KCNAB1: variants seen among roughly 807,000 people sequenced by gnomAD.
KCNAB1 encodes voltage-gated potassium channel subunit beta-1.
Under a neutral mutation model 64.6 loss-of-function variants are expected in KCNAB1, and 35 were observed. The observed-to-expected ratio is 0.54, with a 90% CI of 0.41 to 0.72. The LOEUF (loss-of-function observed/expected upper bound fraction) is 0.72. Ranked by LOEUF, KCNAB1 falls within the 30% of genes least tolerant of loss-of-function variation. The probability of loss-of-function intolerance (pLI) is 0.00; values close to 1 mark genes in which losing one functional copy is unlikely to be tolerated. For missense variants in KCNAB1, 401 were observed against 512.9 expected (o/e 0.78, Z 2.11); for synonymous variants, 177 against 183.8 (o/e 0.96, Z 0.30).
chr3:156,415,463 C>T (rs1576836644), intron 1 of KCNAB1, among the ~76,000 whole-genome samples: 1 of 152,058 alleles, frequency 6.6e-6, no homozygotes, highest in Non-Finnish European at 1.5e-5. Flanking sequence ...TCTCCTTGGC[C>T]CACTCAGCCC....
At chr3:156,344,726 T>G (rs1724366177) in intron 1 of KCNAB1, among the ~76,000 whole-genome samples, 1 of 152,202 alleles carries the variant, frequency 6.6e-6, no homozygotes, top group Admixed American at 6.5e-5. Flanking sequence ...GAAGAGATTT[T>G]TTTAAATGAG....
intron 1 of KCNAB1, among the ~76,000 whole-genome samples, chr3:156,177,527 C>T (rs918817760): frequency 6.6e-6 from 1 of 152,102 alleles, no homozygotes; most frequent in Non-Finnish European, 1.5e-5. Flanking sequence ...CAAGCGCCCG[C>T]CACCCCGCCT....
At chr3:156,124,949 C>T (rs910289370) in intron 1 of KCNAB1, among the ~76,000 whole-genome samples, 13 of 151,948 alleles carry the variant, frequency 8.6e-5, no homozygotes, top group Non-Finnish European at 1.5e-4. Flanking sequence ...ACCAGCCTGG[C>T]CAACATGGTG....
chr3:156,440,728 A>T (rs1439381297), intron 2 of KCNAB1, among the ~76,000 whole-genome samples: 1 of 152,212 alleles, frequency 6.6e-6, no homozygotes, highest in African/African-American at 2.4e-5. Context: ...ACAGCTATAA[A>T]TTTTCTTTAG....
intron 1 of KCNAB1, among the ~76,000 whole-genome samples, chr3:156,359,761 T>A (rs1159401754): frequency 6.6e-6 from 1 of 152,224 alleles, no homozygotes; most frequent in Non-Finnish European, 1.5e-5. Context: ...AGATTATACT[T>A]TGGGGCAAGA....
intron 1 of KCNAB1, among the ~76,000 whole-genome samples, chr3:156,287,684 G>T (rs1016307268): frequency 6.6e-6 from 1 of 151,786 alleles, no homozygotes; most frequent in Non-Finnish European, 1.5e-5. Flanking sequence ...AGGCGTGATG[G>T]TATACACCTG....
chr3:156,306,649 G>A (rs1054462300), intron 1 of KCNAB1, among the ~76,000 whole-genome samples: 1 of 152,200 alleles, frequency 6.6e-6, no homozygotes, highest in Non-Finnish European at 1.5e-5. Flanking sequence ...GATTCTGCTG[G>A]TTTGGTGGGA....
intron 1 of KCNAB1, among the ~76,000 whole-genome samples, chr3:156,255,096 T>A (rs1234875451): frequency 6.6e-6 from 1 of 152,148 alleles, no homozygotes; most frequent in Non-Finnish European, 1.5e-5. Context: ...AGCCCATTAG[T>A]TGGAGGGCCT....
At chr3:156,425,318 C>T (rs1236514966) in intron 2 of KCNAB1, among the ~76,000 whole-genome samples, 1 of 152,174 alleles carries the variant, frequency 6.6e-6, no homozygotes, top group African/African-American at 2.4e-5. Context: ...AATTCCTTGC[C>T]CTGACAATTT....
At chr3:156,289,233 C>T (rs1446604728) in intron 1 of KCNAB1, among the ~76,000 whole-genome samples, 1 of 152,220 alleles carries the variant, frequency 6.6e-6, no homozygotes, top group Non-Finnish European at 1.5e-5. Context: ...GACAGCACTC[C>T]ACCTCATCTC....
Position 156,454,924 on chromosome 3 carries a change from C to A in KCNAB1, c.357+1988C>A, listed in dbSNP as rs190694999. On this transcript the variant is annotated intron_variant, in intron 3 of 13. Coordinates refer to ENST00000490337, the MANE Select transcript of KCNAB1 (RefSeq NM_172160.3). ...CCCGGGTCGTAGTGTGAAGGGCTGA[C>A]CTCTGAGATGAATAATTTCAAAATT... is the stretch of plus-strand genomic sequence containing the variant. Among the ~76,000 whole-genome samples the A allele has an allele frequency of 7.9e-5, 12 of 152,282 alleles. No homozygotes were observed. In the East Asian group the frequency reaches 2.1e-3, roughly 27 times the overall value.
intron 8 of KCNAB1, among the ~76,000 whole-genome samples, chr3:156,497,473 A>C (rs2108360910): frequency 6.6e-6 from 1 of 152,320 alleles, no homozygotes; most frequent in Admixed American, 6.5e-5. Context: ...ATTCCTTTTA[A>C]AATAGTTAAA....
intron 11 of KCNAB1, among the ~76,000 whole-genome samples, chr3:156,521,591 TGAG>T (rs1231193866): frequency 1.3e-5 from 2 of 152,176 alleles, no homozygotes; most frequent in South Asian, 2.1e-4. Flanking sequence ...TAGGGTTGGA[TGAG>T]GAGATTTCAC....
intron 1 of KCNAB1, chr3:156,143,138 A>G (rs1309072392): frequency 6.5e-7 from 1 of 1,542,878 alleles, no homozygotes; most frequent in African/African-American, 1.4e-5. Context: ...CTTAAAGTTA[A>G]GCACCGTGCA....
At chr3:156,492,357 C>A (rs1715690540) in intron 8 of KCNAB1, among the ~76,000 whole-genome samples, 1 of 152,106 alleles carries the variant, frequency 6.6e-6, no homozygotes, top group Admixed American at 6.6e-5. Context: ...CAGCTTTAAC[C>A]AAAACAATAA....
At chr3:156,396,185 T>C (rs1173846614) in intron 1 of KCNAB1, among the ~76,000 whole-genome samples, 2 of 152,194 alleles carry the variant, frequency 1.3e-5, no homozygotes, top group Non-Finnish European at 2.9e-5. Context: ...CCTTTGATCA[T>C]CCTAATGGGT....
intron 1 of KCNAB1, among the ~76,000 whole-genome samples, chr3:156,356,529 C>A (rs1331314039): frequency 6.6e-6 from 1 of 152,116 alleles, no homozygotes; most frequent in Non-Finnish European, 1.5e-5. Flanking sequence ...CCAATTAAAC[C>A]CACGTGCTCT....
At chr3:156,260,920 AATT>A (rs1447049234) in intron 1 of KCNAB1, among the ~76,000 whole-genome samples, 2 of 152,152 alleles carry the variant, frequency 1.3e-5, no homozygotes, top group African/African-American at 2.4e-5. Context: ...ACTAAAAAAA[AATT>A]ATTATAGCCA....
intron 1 of KCNAB1, among the ~76,000 whole-genome samples, chr3:156,179,250 G>T (rs1001277220): frequency 6.6e-6 from 1 of 151,948 alleles, no homozygotes; most frequent in Admixed American, 6.5e-5. Flanking sequence ...TAAGAAAAGG[G>T]TTTATAGTTC....
Sources: gnomAD v4.1 joint callset for allele counts (sites outside exome capture counted in the v4.1 genomes callset) on GRCh38, gnomAD v4.1.1 for gene constraint, MANE v1.5 for transcripts, NCBI Gene and HGNC (gene_info 2026-07-23, HGNC 2026-07-21) for gene names.